BDH1: variants seen among roughly 807,000 people sequenced by gnomAD.
The protein encoded by BDH1 is D-beta-hydroxybutyrate dehydrogenase, mitochondrial.
In BDH1, 30 loss-of-function variants were observed where a neutral mutation model predicts 33.1. The ratio of observed to expected loss-of-function variants is 0.91; its 90% CI spans 0.68 to 1.23. The LOEUF (loss-of-function observed/expected upper bound fraction) is 1.23, where lower values mean the gene tolerates loss of function less well. Among genes scored for constraint, BDH1 ranks in the 50% most tolerant of loss-of-function variants. BDH1 has a pLI of 0.00. For missense variants in BDH1, 443 were observed against 464.4 expected (o/e 0.95, Z 0.42); for synonymous variants, 190 against 183.6 (o/e 1.03, Z -0.28).
chr3:197,546,416 G>A lies in BDH1; in HGVS notation c.28C>T (p.Leu10=), dbSNP rs1716083636. The change falls in exon 3 of 8, where the codon CTG becomes TTG. Residue 10 remains leucine (L), a synonymous_variant. Coordinates refer to ENST00000392379, the MANE Select transcript of BDH1 (RefSeq NM_203314.3). MLATRLSRP[L]SRLPGKTLSA... is the part of the protein sequence containing the mutation. Reference sequence around the variant, plus strand: ...AGGGTTTTTCCTGGGAGCCGTGACAGGGGTCTGGAGAGGCGGGTGGCCAGC... The same window carrying A: ...AGGGTTTTTCCTGGGAGCCGTGACAAGGGTCTGGAGAGGCGGGTGGCCAGC... 1 of 1,614,134 alleles carries A rather than the reference G, an allele frequency of 6.2e-7. No homozygotes were observed. Among genetic ancestry groups the A allele is most frequent in the Non-Finnish European group, 8.5e-7 (1 of 1,180,024 alleles).
At chr3:197,567,844 G>A (rs898158347) in intron 1 of BDH1, among the ~76,000 whole-genome samples, 3 of 152,152 alleles carry the variant, frequency 2.0e-5, no homozygotes, top group Non-Finnish European at 4.4e-5. Flanking sequence ...AATGTCATCA[G>A]AGTTCTAATA....
chr3:197,542,657 A>G (rs34323761), intron 3 of BDH1, among the ~76,000 whole-genome samples: 45,682 of 151,054 alleles, frequency 0.3, 7,368 homozygotes, highest in African/African-American at 0.39. Flanking sequence ...CCAAGTAGCT[A>G]GGATTACAGG....
intron 3 of BDH1, chr3:197,538,455 G>A (rs1267202855): frequency 4.5e-6 from 2 of 446,570 alleles, no homozygotes; most frequent in South Asian, 3.2e-5. Context: ...GGGTTCAAGC[G>A]ATTCTCCTGC....
rs965817612 is a variant in BDH1 at position 197,514,317 on chromosome 3, C to T, written c.509G>A (p.Trp170Ter). 6.2e-7 allele frequency: 1 copy of T among 1,613,960 alleles called. No homozygotes were observed. The highest frequency in any genetic ancestry group is 1.1e-5 in the South Asian group (1 of 91,048). Residue 170 changes from tryptophan (W) to a stop codon, truncating the protein, a stop_gained, in exon 7 of 8, where the codon TGG becomes TAG. Coordinates refer to ENST00000392379, the MANE Select transcript of BDH1 (RefSeq NM_203314.3). LOFTEE classifies it high-confidence loss of function. The surrounding 1 kb of genome is among the most constrained non-coding windows in gnomAD (Gnocchi z 4.2). Reference sequence around the variant, plus strand: ...GGATTTCGTCATCCGCACTGTGCCCCAAAGGTTCACTTCTGCCACCTGCTT... The same window carrying T: ...GGATTTCGTCATCCGCACTGTGCCCTAAAGGTTCACTTCTGCCACCTGCTT... ...TYKQVAEVNL[W>*]GTVRMTKSFL...
At chr3:197,534,753 T>A (rs1241251184) in intron 3 of BDH1, among the ~76,000 whole-genome samples, 1 of 152,222 alleles carries the variant, frequency 6.6e-6, no homozygotes, top group Admixed American at 6.5e-5. Context: ...GGTGTCACTA[T>A]TTTCTAGTTT....
chr3:197,561,983 C>T (rs913198509), intron 1 of BDH1, among the ~76,000 whole-genome samples: 1 of 152,204 alleles, frequency 6.6e-6, no homozygotes. Context: ...GGGCCACTCA[C>T]CCCTTTTGGA....
intron 6 of BDH1, among the ~76,000 whole-genome samples, chr3:197,517,206 A>G (rs1437049295): frequency 1.3e-5 from 2 of 148,636 alleles, no homozygotes; most frequent in East Asian, 2.0e-4. Context: ...CAGACCCATC[A>G]GTCACTTCCT....
intron 3 of BDH1, among the ~76,000 whole-genome samples, chr3:197,541,024 C>T (rs1255275996): frequency 6.6e-6 from 1 of 152,148 alleles, no homozygotes; most frequent in Non-Finnish European, 1.5e-5. Context: ...CCTTCTTGGC[C>T]ACTGCTGGGA....
rs947242677 is a variant in BDH1, at chr3:197,514,811, C to T, written c.410-395G>A. Among the ~76,000 whole-genome samples, 4 of 152,230 alleles carry T rather than the reference C, an allele frequency of 2.6e-5. No individual in the cohort carries two copies. The highest frequency in any genetic ancestry group is 7.2e-5 in the African/African-American group (3 of 41,466). On this transcript the variant is annotated intron_variant, in intron 6 of 7. Coordinates refer to ENST00000392379, the MANE Select transcript of BDH1 (RefSeq NM_203314.3). The surrounding 1 kb of genome is among the most constrained non-coding windows in gnomAD (Gnocchi z 4.2). ...CCCCGTTCCTGTTTACTCATCTCTG[C>T]CCTTGAGCTTTTGCTCACGTCTTCT... is the stretch of plus-strand genomic sequence containing the variant.
At chr3:197,517,047 G>A (rs2108708746) in intron 6 of BDH1, among the ~76,000 whole-genome samples, 1 of 152,198 alleles carries the variant, frequency 6.6e-6, no homozygotes, top group Admixed American at 6.5e-5. Flanking sequence ...GGCTGTTGCT[G>A]GTTTCCTCTG....
At chr3:197,544,410 A>G (rs1453655720) in intron 3 of BDH1, among the ~76,000 whole-genome samples, 2 of 152,238 alleles carry the variant, frequency 1.3e-5, no homozygotes, top group Non-Finnish European at 2.9e-5. Flanking sequence ...ACATTTAAGA[A>G]CAAAACCTTT....
Position 197,546,126 on chromosome 3 carries a change from A to C in BDH1, c.83+235T>G, listed in dbSNP as rs572366548. On this transcript the variant is annotated intron_variant, in intron 3 of 7. Transcript: ENST00000392379. ...CACTCCAGCCTGGCAACAGAGTGAGACTCCATCAAAAAGAAAAAAAAATAA... is the reference window on the plus strand; with the variant it reads ...CACTCCAGCCTGGCAACAGAGTGAGCCTCCATCAAAAAGAAAAAAAAATAA... 303 of 431,622 alleles carry C rather than the reference A, an allele frequency of 7.0e-4. 3 individuals are homozygous for C. The highest frequency in any genetic ancestry group is 2.9e-5 in the Non-Finnish European group (7 of 238,094). The allele number at this position is 431,622 out of a possible 1,614,324, so 26.7% of individuals were successfully genotyped here. A position where few individuals can be genotyped will look rare whatever the true frequency, so the allele number is the denominator to read the frequency against.
rs1346858971 is a variant in BDH1, at chr3:197,546,564, T to C, written c.-43-78A>G. On this transcript the variant is annotated intron_variant, in intron 2 of 7. Transcript: ENST00000392379. The stretch of plus-strand genomic sequence containing the variant: ...CAGGAGCAGTCATGTTCCTTTCAGG[T>C]TGTGAAAGTCAAACTGGGCTGCATC... The C allele has an allele frequency of 3.0e-6, 3 of 984,902 alleles. No homozygotes were observed. The Admixed American group carries it at 6.6e-5, about 22-fold the overall frequency. 61.0% of individuals were successfully genotyped at this position (984,902 alleles called of 1,614,324 possible).
chr3:197,533,499 G>A lies in BDH1; in HGVS notation c.146C>T (p.Ala49Val), dbSNP rs200027383. 64 of 1,614,092 alleles carry A rather than the reference G, an allele frequency of 4.0e-5. No homozygotes were observed. In the Middle Eastern group the frequency reaches 4.9e-4, roughly 12 times the overall value. The change falls in exon 4 of 8, where the codon GCG becomes GTG. Residue 49 changes from alanine to valine, a missense_variant. By Grantham distance (64) the Ala-to-Val change is moderately conservative. Coordinates refer to ENST00000392379, the MANE Select transcript of BDH1 (RefSeq NM_203314.3). ...TGGGCTTCCACTCACCGGCTCCGCC[G>A]CACTGGCATAAGTCCGACGGCCAAT... ...IPIGRRTYAS[A>V]AEPVGSKAVL...
At chr3:197,550,508 G>A (rs1452803188) in intron 2 of BDH1, among the ~76,000 whole-genome samples, 2 of 152,176 alleles carry the variant, frequency 1.3e-5, no homozygotes, top group African/African-American at 4.8e-5. Flanking sequence ...CAGAGACTAT[G>A]CTTTGGTCAC....
At chr3:197,549,367 C>T (rs939922167) in intron 2 of BDH1, among the ~76,000 whole-genome samples, 7 of 152,212 alleles carry the variant, frequency 4.6e-5, no homozygotes, top group East Asian at 1.9e-4. Context: ...AAGAAAACAG[C>T]GTGCGCATCC....
At chr3:197,558,949 T>C (rs987967283), upstream of BDH1, among the ~76,000 whole-genome samples, 2 of 152,130 alleles carry the variant, frequency 1.3e-5, no homozygotes, top group Non-Finnish European at 2.9e-5. Context: ...CAAACTCTGA[T>C]TGGACTTTGC....
chr3:197,532,870 G>A (rs1714797672), intron 4 of BDH1, among the ~76,000 whole-genome samples: 4 of 152,194 alleles, frequency 2.6e-5, no homozygotes, highest in Admixed American at 2.6e-4. Context: ...AGATTCCAGA[G>A]TCTAAACTCT....
intron 2 of BDH1, among the ~76,000 whole-genome samples, chr3:197,549,975 T>TATA (rs1553875239): frequency 3.4e-5 from 5 of 146,890 alleles, no homozygotes; most frequent in Non-Finnish European, 5.9e-5. Flanking sequence ...CAAATAACTA[T>TATA]TATATATATA....
Sources: gnomAD v4.1 joint callset for allele counts (sites outside exome capture counted in the v4.1 genomes callset) on GRCh38, gnomAD v4.1.1 for gene constraint, Gnocchi (gnomAD v3.1) non-coding constraint, MANE v1.5 for transcripts, NCBI Gene and HGNC (gene_info 2026-07-23, HGNC 2026-07-21) for gene names.